ALK: variants seen among roughly 807,000 people sequenced by gnomAD.
The protein encoded by ALK is ALK receptor tyrosine kinase.
ALK carries 74 observed loss-of-function variants against 163.1 expected under a neutral mutation model. The observed-to-expected ratio is 0.45, with a 90% CI of 0.38 to 0.55. The LOEUF is 0.55. Among genes scored for constraint, ALK ranks in the 20% least tolerant of loss-of-function variants. The pLI is 0.00. For synonymous variants in ALK, 960 were observed against 843.2 expected (o/e 1.14, Z -2.40); for missense variants, 2,063 against 2,105.3 (o/e 0.98, Z 0.39).
At chr2:29,288,921 C>T in intron 9 of ALK, among the ~76,000 whole-genome samples, 1 of 139,162 alleles carries the variant, frequency 7.2e-6, no homozygotes, top group African/African-American at 2.6e-5. Context: ...CACTGCACTC[C>T]AGCCTGGGCG....
At chr2:29,416,534 T>G (rs1558314805) in intron 4 of ALK, among the ~76,000 whole-genome samples, 1 of 152,236 alleles carries the variant, frequency 6.6e-6, no homozygotes, top group Non-Finnish European at 1.5e-5. Flanking sequence ...TAACAGAAGA[T>G]GTTTCCATAA....
intron 6 of ALK, among the ~76,000 whole-genome samples, chr2:29,324,701 G>A (rs1490816431): frequency 2.0e-5 from 3 of 152,270 alleles, no homozygotes; most frequent in South Asian, 2.1e-4. Context: ...ACATGCCATC[G>A]AGGCCATTGG....
intron 1 of ALK, among the ~76,000 whole-genome samples, chr2:29,888,250 T>TTTG (rs199646727): frequency 0.28 from 41,095 of 146,848 alleles, 6,151 homozygotes; most frequent in East Asian, 0.59. Flanking sequence ...TAAATTGTTT[T>TTTG]TTTTTTTTTT....
chr2:29,465,563 G>A (rs933785485), intron 4 of ALK, among the ~76,000 whole-genome samples: 58 of 152,184 alleles, frequency 3.8e-4, no homozygotes, highest in African/African-American at 1.3e-3. Context: ...GCGTAGTGGT[G>A]TGTGCCTGTA....
At chr2:29,639,029 G>C (rs780813413) in intron 3 of ALK, among the ~76,000 whole-genome samples, 1 of 152,162 alleles carries the variant, frequency 6.6e-6, no homozygotes, top group South Asian at 2.1e-4. Flanking sequence ...TACTGGGCAC[G>C]TAAGGAGAAT....
intron 3 of ALK, among the ~76,000 whole-genome samples, chr2:29,535,374 C>A (rs192835333): frequency 7.9e-4 from 120 of 152,338 alleles, no homozygotes; most frequent in Admixed American, 2.6e-3. Context: ...CTCATCTCAA[C>A]CAGCAGGGCT....
intron 19 of ALK, chr2:29,224,796 G>A (rs1327631006): frequency 4.6e-6 from 1 of 217,842 alleles, no homozygotes; most frequent in African/African-American, 2.3e-5. Flanking sequence ...GACACAGTGT[G>A]TGCTGCCATC....
intron 1 of ALK, among the ~76,000 whole-genome samples, chr2:29,820,007 G>T (rs1039250181): frequency 1.3e-5 from 2 of 152,318 alleles, no homozygotes; most frequent in African/African-American, 4.8e-5. Context: ...GTAACAGAGC[G>T]TGATGGTTTT....
At chr2:29,210,210 A>G (rs1669427182) in intron 24 of ALK, among the ~76,000 whole-genome samples, 1 of 152,004 alleles carries the variant, frequency 6.6e-6, no homozygotes, top group South Asian at 2.1e-4. Flanking sequence ...AACTCTCACA[A>G]CAACCTTATA....
intron 1 of ALK, among the ~76,000 whole-genome samples, chr2:29,854,352 C>T (rs927739793): frequency 4.6e-5 from 7 of 152,120 alleles, no homozygotes; most frequent in East Asian, 1.9e-4. Context: ...GTGAATCCCT[C>T]GTGTCTCACT....
At chr2:29,313,273 T>A (rs2148243882) in intron 8 of ALK, among the ~76,000 whole-genome samples, 1 of 152,302 alleles carries the variant, frequency 6.6e-6, no homozygotes, top group South Asian at 2.1e-4. Context: ...CCATGAGGCC[T>A]CCTGGAATGG....
intron 9 of ALK, among the ~76,000 whole-genome samples, chr2:29,292,478 G>T (rs575451732): frequency 1.3e-5 from 2 of 152,298 alleles, no homozygotes; most frequent in East Asian, 3.9e-4. Context: ...AGAAAAGGTA[G>T]AATTAATTCC....
rs148553497 is a variant in ALK, at chr2:29,419,319, G to T, written c.1155-35460C>A. ...ACCACCCACCTCGGCTTCCCAAAGC[G>T]CTGGGATTACAGGCATGAGCCACCG... On this transcript the variant is annotated intron_variant, in intron 4 of 28. Transcript: ENST00000389048. Among the ~76,000 whole-genome samples the T allele has an allele frequency of 8.0e-3, 1,218 of 151,522 alleles. 61 individuals are homozygous for T. The highest frequency in any genetic ancestry group is 0.027 in the African/African-American group (1,117 of 40,832).
chr2:29,735,577 C>G (rs1679868058), intron 1 of ALK, among the ~76,000 whole-genome samples: 1 of 151,990 alleles, frequency 6.6e-6, no homozygotes. Flanking sequence ...CATGGTTTGA[C>G]CGTGTCCCCA....
chr2:29,723,016 C>G (rs1289067359), intron 1 of ALK, among the ~76,000 whole-genome samples: 1 of 152,122 alleles, frequency 6.6e-6, no homozygotes, highest in East Asian at 1.9e-4. Context: ...CATCTCGCAT[C>G]TCTCCATTAT....
chr2:29,685,084 T>C (rs1678196660), intron 3 of ALK, among the ~76,000 whole-genome samples: 1 of 152,178 alleles, frequency 6.6e-6, no homozygotes, highest in South Asian at 2.1e-4. Context: ...TAGGAATCAA[T>C]TGTGACTGTG....
chr2:29,253,013 A>G lies in ALK; in HGVS notation c.2042-1746T>C, dbSNP rs144784235. On this transcript the variant is annotated intron_variant, in intron 11 of 28. Transcript: ENST00000389048. ...CTAATTTTTAAAACTTTTTGTTGAG[A>G]TGGGGGTCTCACTCTCTCACCCAGG... is the stretch of plus-strand genomic sequence containing the variant. Among the ~76,000 whole-genome samples, 56 of 151,788 alleles carry G rather than the reference A, an allele frequency of 3.7e-4. 1 individual carries two copies. The East Asian group carries it at 0.011, about 29-fold the overall frequency.
At chr2:29,382,912 G>T (rs1668938793) in intron 5 of ALK, among the ~76,000 whole-genome samples, 1 of 152,138 alleles carries the variant, frequency 6.6e-6, no homozygotes, top group South Asian at 2.1e-4. Flanking sequence ...AGCCACAGGG[G>T]CAAAAGAAGC....
chr2:29,628,780 T>C (rs1413289343), intron 3 of ALK, among the ~76,000 whole-genome samples: 1 of 152,144 alleles, frequency 6.6e-6, no homozygotes, highest in African/African-American at 2.4e-5. Flanking sequence ...ACTTTTAAAC[T>C]AAGCAGTAAA....
Sources: gnomAD v4.1 joint callset for allele counts (sites outside exome capture counted in the v4.1 genomes callset) on GRCh38, gnomAD v4.1.1 for gene constraint, MANE v1.5 for transcripts, NCBI Gene and HGNC (gene_info 2026-07-23, HGNC 2026-07-21) for gene names.